CDH8: variants seen among roughly 807,000 people sequenced by gnomAD.
CDH8 encodes cadherin-8.
In CDH8, 17 loss-of-function variants were observed where a neutral mutation model predicts 68.1. That is an observed-to-expected ratio of 0.25 (90% CI 0.17 to 0.37). CDH8 has a LOEUF of 0.37. Among genes scored for constraint, CDH8 ranks in the 10% least tolerant of loss-of-function variants. CDH8 has a pLI of 1.00. For synonymous variants in CDH8, 372 were observed against 365.1 expected, an observed-to-expected ratio of 1.02 and a Z score of -0.21; for missense variants, 763 against 999.3, an observed-to-expected ratio of 0.76 and a Z score of 3.19.
intron 2 of CDH8, among the ~76,000 whole-genome samples, chr16:61,960,322 T>A: frequency 1.2e-5 from 1 of 86,580 alleles, no homozygotes; most frequent in African/African-American, 7.0e-5. Context: ...CATATATACG[T>A]GTGTGTGTAT....
intron 2 of CDH8, among the ~76,000 whole-genome samples, chr16:62,016,026 G>A (rs1901930963): frequency 6.6e-6 from 1 of 152,242 alleles, no homozygotes; most frequent in South Asian, 2.1e-4. Context: ...TCTGCATATA[G>A]CCTTGAACAT....
chr16:61,869,526 A>C (rs1963317943), intron 3 of CDH8, among the ~76,000 whole-genome samples: 1 of 152,198 alleles, frequency 6.6e-6, no homozygotes, highest in Non-Finnish European at 1.5e-5. Context: ...CCATGTGTAC[A>C]TGTATGAGTT....
At chr16:61,736,733 GT>G (rs1567446831) in intron 8 of CDH8, among the ~76,000 whole-genome samples, 1 of 151,958 alleles carries the variant, frequency 6.6e-6, no homozygotes, top group African/African-American at 2.4e-5. Flanking sequence ...AATGATAGCA[GT>G]TCAAATTTTA....
intron 8 of CDH8, among the ~76,000 whole-genome samples, chr16:61,768,030 T>A (rs1004004364): frequency 1.3e-5 from 2 of 151,962 alleles, no homozygotes; most frequent in African/African-American, 4.8e-5. Context: ...CTCTTCAAAG[T>A]GCTTTGTGTC....
rs747228897 is a variant in CDH8 at position 61,653,597 on chromosome 16, A to G, written c.*11T>C. 5 of 1,597,284 alleles carry G rather than the reference A, an allele frequency of 3.1e-6. No individual in the cohort carries two copies. Among genetic ancestry groups the G allele is most frequent in the Non-Finnish European group, 4.3e-6 (5 of 1,172,834 alleles). On this transcript the variant is annotated 3_prime_UTR_variant, in exon 12 of 12. Transcript: ENST00000577390. ...AATGCTCAGTTCCAGTGATTTATTTATAATCCACTGTCAAGTTTCTTTGTC... is the reference window on the plus strand; with the variant it reads ...AATGCTCAGTTCCAGTGATTTATTTGTAATCCACTGTCAAGTTTCTTTGTC...
At chr16:61,757,411 TATC>T (rs1847303649) in intron 8 of CDH8, among the ~76,000 whole-genome samples, 1 of 152,132 alleles carries the variant, frequency 6.6e-6, no homozygotes, top group Non-Finnish European at 1.5e-5. Flanking sequence ...GATAAAATAT[TATC>T]ATTTGATTTT....
At chr16:61,877,435 G>C (rs1428923120) in intron 3 of CDH8, among the ~76,000 whole-genome samples, 1 of 152,000 alleles carries the variant, frequency 6.6e-6, no homozygotes, top group Non-Finnish European at 1.5e-5. Context: ...CAAGATTAAT[G>C]ATCTCTCATG....
chr16:61,883,770 G>GA (rs981057192), intron 3 of CDH8, among the ~76,000 whole-genome samples: 1 of 151,818 alleles, frequency 6.6e-6, no homozygotes, highest in African/African-American at 2.4e-5. Flanking sequence ...TCGAGAGAGT[G>GA]AACTCTTAAG....
chr16:61,758,464 C>T (rs1389853674), intron 8 of CDH8, among the ~76,000 whole-genome samples: 1 of 152,002 alleles, frequency 6.6e-6, no homozygotes, highest in Non-Finnish European at 1.5e-5. Context: ...TTGAGTTTTG[C>T]TCTTGTTGTC....
chr16:61,824,999 G>A lies in CDH8; in HGVS notation c.835+13C>T, dbSNP rs759483848. 8.1e-5 allele frequency: 129 copies of A among 1,598,572 alleles called. 1 individual carries two copies. Among genetic ancestry groups the A allele is most frequent in the African/African-American group, 9.4e-5 (7 of 74,364 alleles). ...ATACCAAGATTCTCATCCAGTGCAG[G>A]AAATTAACTTACTCTGTGCAAATTT... On this transcript the variant is annotated intron_variant, in intron 5 of 11. Transcript: ENST00000577390.
At chr16:61,720,908 A>C (rs569749946) in intron 9 of CDH8, among the ~76,000 whole-genome samples, 3 of 150,924 alleles carry the variant, frequency 2.0e-5, no homozygotes, top group African/African-American at 7.2e-5. Context: ...TTTGTAGACC[A>C]CAAGACTGGT....
chr16:61,740,000 C>T (rs1209341078), intron 8 of CDH8, among the ~76,000 whole-genome samples: 5 of 150,298 alleles, frequency 3.3e-5, no homozygotes, highest in African/African-American at 1.2e-4. Flanking sequence ...CTCCACCTCC[C>T]GGGTTCAAGT....
At chr16:61,972,144 T>C (rs1965350297) in intron 2 of CDH8, among the ~76,000 whole-genome samples, 1 of 152,164 alleles carries the variant, frequency 6.6e-6, no homozygotes, top group Admixed American at 6.5e-5. Context: ...GATCTAATGA[T>C]TTTATAAATA....
chr16:61,966,518 C>T (rs113064833), intron 2 of CDH8, among the ~76,000 whole-genome samples: 233 of 150,626 alleles, frequency 1.5e-3, no homozygotes, highest in African/African-American at 5.4e-3. Flanking sequence ...AGCCTGCGGA[C>T]GGAGCAAGAC....
At chr16:61,699,858 G>A (rs1011277603) in intron 10 of CDH8, among the ~76,000 whole-genome samples, 1 of 152,206 alleles carries the variant, frequency 6.6e-6, no homozygotes, top group South Asian at 2.1e-4. Flanking sequence ...TTACAGGCAT[G>A]AGCCACCGTG....
intron 3 of CDH8, among the ~76,000 whole-genome samples, chr16:61,886,687 C>A (rs116728388): frequency 6.6e-6 from 1 of 152,164 alleles, no homozygotes; most frequent in Non-Finnish European, 1.5e-5. Flanking sequence ...CCCACCTCTG[C>A]GGGTCCTGGC....
intron 2 of CDH8, among the ~76,000 whole-genome samples, chr16:61,994,785 G>C (rs1226309835): frequency 6.6e-6 from 1 of 152,120 alleles, no homozygotes; most frequent in Admixed American, 6.5e-5. Context: ...GATGCTTACT[G>C]CGCTTTCAGA....
At chr16:62,006,895 C>T (rs2150600933) in intron 2 of CDH8, among the ~76,000 whole-genome samples, 1 of 135,302 alleles carries the variant, frequency 7.4e-6, no homozygotes, top group Non-Finnish European at 1.5e-5. Context: ...TTCAAAAGCC[C>T]ATTTCATAAT....
At chr16:61,961,207 T>C (rs1965148478) in intron 2 of CDH8, among the ~76,000 whole-genome samples, 1 of 151,720 alleles carries the variant, frequency 6.6e-6, no homozygotes, top group Admixed American at 6.6e-5. Flanking sequence ...CCCAGCTGCT[T>C]GGGAGGTTGA....
Sources: allele counts gnomAD v4.1 joint callset (sites outside exome capture counted in the v4.1 genomes callset), GRCh38; gene constraint gnomAD v4.1.1; transcripts MANE v1.5; gene names NCBI Gene and HGNC (gene_info 2026-07-23, HGNC 2026-07-21).